Variants in SLC44A5 observed in about 807,000 individuals in gnomAD.
The protein encoded by SLC44A5 is solute carrier family 44 member 5.
Under a neutral mutation model 101.8 loss-of-function variants are expected in SLC44A5, and 57 were observed. The observed-to-expected ratio is 0.56, with a 90% CI of 0.45 to 0.70. The LOEUF is 0.70. SLC44A5 is among the 30% of genes least tolerant of loss of function. The probability of loss-of-function intolerance (pLI) is 0.00; values close to 1 mark genes in which losing one functional copy is unlikely to be tolerated. For synonymous variants in SLC44A5, 281 were observed against 290.9 expected (o/e 0.97, Z 0.35); for missense variants, 737 against 853.1 (o/e 0.86, Z 1.70).
chr1:75,374,787 C>G (rs796076891), intron 3 of SLC44A5, among the ~76,000 whole-genome samples: 2 of 152,162 alleles, frequency 1.3e-5, no homozygotes, highest in South Asian at 4.1e-4. Flanking sequence ...TCTAAAAGCA[C>G]ATAGAAATGA....
intron 2 of SLC44A5, among the ~76,000 whole-genome samples, chr1:75,414,654 G>C (rs185280836): frequency 2.0e-5 from 3 of 152,294 alleles, no homozygotes; most frequent in Admixed American, 6.5e-5. Flanking sequence ...GTCAAGGAAG[G>C]CTTGCAGTAA....
At chr1:75,586,163 G>A (rs1576927) in intron 1 of SLC44A5, among the ~76,000 whole-genome samples, 23,365 of 152,018 alleles carry the variant, frequency 0.15, 2,039 homozygotes, top group Admixed American at 0.23. Context: ...TCCTTTAGAG[G>A]CCTGAATAGA....
the SLC44A5 span, among the ~76,000 whole-genome samples, chr1:75,645,994 T>C: frequency 7.5e-6 from 1 of 133,354 alleles, no homozygotes; most frequent in African/African-American, 2.5e-5. Flanking sequence ...GGTCCATATA[T>C]CTGTTCTGGT....
chr1:75,275,049 G>A lies in SLC44A5; in HGVS notation c.176-7C>T. Reference sequence around the variant, plus strand: ...GGGTCCCCATGTACCCAGGCTGCAGGAACAAGAAAGGACAAATATGCTATC... The same window carrying A: ...GGGTCCCCATGTACCCAGGCTGCAGAAACAAGAAAGGACAAATATGCTATC... On this transcript the variant is annotated splice_region_variant and splice_polypyrimidine_tract_variant and intron_variant, in intron 5 of 23. Coordinates refer to ENST00000370859, the MANE Select transcript of SLC44A5 (RefSeq NM_001130058.2). 3 of 1,610,866 alleles carry A rather than the reference G, an allele frequency of 1.9e-6. No homozygotes were observed. Among genetic ancestry groups the A allele is most frequent in the Non-Finnish European group, 2.5e-6 (3 of 1,178,208 alleles).
At chr1:75,705,603 T>C in the SLC44A5 span, among the ~76,000 whole-genome samples, 9 of 152,250 alleles carry the variant, frequency 5.9e-5, no homozygotes, top group African/African-American at 2.2e-4. Flanking sequence ...ATTATAATAC[T>C]GTTTATACAT....
chr1:75,444,976 G>A (rs925728554), intron 2 of SLC44A5, among the ~76,000 whole-genome samples: 1 of 152,142 alleles, frequency 6.6e-6, no homozygotes, highest in Non-Finnish European at 1.5e-5. Flanking sequence ...TTAACCGTGA[G>A]AGTAGGAGAG....
intron 1 of SLC44A5, among the ~76,000 whole-genome samples, chr1:75,578,211 A>G (rs1673480913): frequency 6.6e-6 from 1 of 152,130 alleles, no homozygotes; most frequent in African/African-American, 2.4e-5. Context: ...TATAATTTAT[A>G]TATGGTTCTG....
chr1:75,449,594 T>A lies in SLC44A5; in HGVS notation c.14-52973A>T, dbSNP rs181711372. ...ACTATTTTCTTCAATTGAAAGTTCATTAAATGGGCCTTTCAGAACTGTGAC... is the reference window on the plus strand; with the variant it reads ...ACTATTTTCTTCAATTGAAAGTTCAATAAATGGGCCTTTCAGAACTGTGAC... On this transcript the variant is annotated intron_variant, in intron 2 of 23. Coordinates refer to ENST00000370859, the MANE Select transcript of SLC44A5 (RefSeq NM_001130058.2). Among the ~76,000 whole-genome samples the A allele has an allele frequency of 2.6e-5, 4 of 152,322 alleles. No homozygotes were observed. In the East Asian group the frequency reaches 5.8e-4, roughly 22 times the overall value.
At chr1:75,287,841 G>C (rs184985142) in intron 5 of SLC44A5, among the ~76,000 whole-genome samples, 1 of 152,152 alleles carries the variant, frequency 6.6e-6, no homozygotes, top group Admixed American at 6.6e-5. Flanking sequence ...CACCTACTCT[G>C]GCAGAGGTAG....
chr1:75,579,969 A>ATG (rs1387873339), intron 1 of SLC44A5, among the ~76,000 whole-genome samples: 1 of 152,174 alleles, frequency 6.6e-6, no homozygotes, highest in African/African-American at 2.4e-5. Context: ...ATAATTCAGC[A>ATG]TGTAAGGAGC....
intron 2 of SLC44A5, among the ~76,000 whole-genome samples, chr1:75,479,429 CA>C (rs1173056597): frequency 3.3e-5 from 5 of 151,948 alleles, no homozygotes; most frequent in Non-Finnish European, 7.4e-5. Flanking sequence ...AATAGAGACA[CA>C]AAAAACCCTT....
intron 2 of SLC44A5, among the ~76,000 whole-genome samples, chr1:75,446,741 A>G (rs889413506): frequency 2.0e-5 from 3 of 151,988 alleles, no homozygotes; most frequent in African/African-American, 7.2e-5. Context: ...TCATGACTAA[A>G]TTCTCTCTTT....
rs76777004 is a variant in SLC44A5, at chr1:75,294,314, T to C, written c.175+6298A>G. Among the ~76,000 whole-genome samples, 1,175 of 152,204 alleles carry C rather than the reference T, an allele frequency of 7.7e-3. 21 individuals are homozygous for C. The highest frequency in any genetic ancestry group is 0.027 in the African/African-American group (1,105 of 41,540). On this transcript the variant is annotated intron_variant, in intron 5 of 23. Transcript: ENST00000370859. ...CCTAGTGAGGTACAGATGGTTATTATAAAAAAGACAAGAGATAAGTGTTGA... is the reference window on the plus strand; with the variant it reads ...CCTAGTGAGGTACAGATGGTTATTACAAAAAAGACAAGAGATAAGTGTTGA...
At chr1:75,439,002 C>A (rs188708645) in intron 2 of SLC44A5, among the ~76,000 whole-genome samples, 12 of 152,140 alleles carry the variant, frequency 7.9e-5, no homozygotes, top group Non-Finnish European at 1.5e-4. Flanking sequence ...TTTAAATGTT[C>A]CCCCAAAGTT....
the SLC44A5 span, among the ~76,000 whole-genome samples, chr1:75,687,995 C>T: frequency 1.3e-5 from 2 of 152,144 alleles, no homozygotes; most frequent in Non-Finnish European, 2.9e-5. Flanking sequence ...TAATTTCTTC[C>T]TTGTTCCTCA....
intron 3 of SLC44A5, among the ~76,000 whole-genome samples, chr1:75,355,821 A>G (rs1659021644): frequency 6.6e-6 from 1 of 152,196 alleles, no homozygotes; most frequent in East Asian, 1.9e-4. Flanking sequence ...ATGATAATAA[A>G]TGACTATGTT....
At chr1:75,270,974 T>C (rs1651418637) in intron 6 of SLC44A5, among the ~76,000 whole-genome samples, 1 of 152,158 alleles carries the variant, frequency 6.6e-6, no homozygotes, top group African/African-American at 2.4e-5. Context: ...TTGAGAGATT[T>C]GTATGGTTTC....
Position 75,546,463 on chromosome 1 carries a change from G to A in SLC44A5, c.-69-4947C>T, listed in dbSNP as rs1671657422. Among the ~76,000 whole-genome samples, 2 of 472 alleles carry A rather than the reference G, an allele frequency of 4.2e-3. 1 individual carries two copies. Among genetic ancestry groups the A allele is most frequent in the Non-Finnish European group, 8.5e-3 (2 of 234 alleles). 0.3% of individuals were successfully genotyped at this position (472 alleles called of 152,430 possible). Reference sequence around the variant, plus strand: ...CCCGACCTCATGATCCACCCGCCTCGGCCTCCCAAAGTGCTGGGATTACAG... The same window carrying A: ...CCCGACCTCATGATCCACCCGCCTCAGCCTCCCAAAGTGCTGGGATTACAG... On this transcript the variant is annotated intron_variant, in intron 1 of 23. Coordinates refer to ENST00000370859, the MANE Select transcript of SLC44A5 (RefSeq NM_001130058.2).
chr1:75,694,099 A>G, the SLC44A5 span, among the ~76,000 whole-genome samples: 1 of 151,196 alleles, frequency 6.6e-6, no homozygotes, highest in Admixed American at 6.6e-5. Context: ...AAACAGATGG[A>G]AATGACCAAG....
Sources: gnomAD v4.1 joint callset for allele counts (sites outside exome capture counted in the v4.1 genomes callset) on GRCh38, gnomAD v4.1.1 for gene constraint, MANE v1.5 for transcripts, NCBI Gene and HGNC (gene_info 2026-07-23, HGNC 2026-07-21) for gene names.